The following MAP4 variants were observed in gnomAD, a reference collection of about 807,000 sequenced individuals.
The protein encoded by MAP4 is microtubule associated protein 4.
MAP4 carries 76 observed loss-of-function variants against 170.2 expected under a neutral mutation model. The ratio of observed to expected loss-of-function variants is 0.45; its 90% confidence interval spans 0.37 to 0.54. The LOEUF (loss-of-function observed/expected upper bound fraction) is 0.54, where lower values mean the gene tolerates loss of function less well. Ranked by LOEUF, MAP4 falls within the 20% of genes least tolerant of loss-of-function variation. The pLI, the probability that MAP4 is intolerant of heterozygous loss-of-function variation, is 0.00. For missense variants in MAP4, 2,506 were observed against 2,748.0 expected, an observed-to-expected ratio of 0.91 and a Z score of 1.97; for synonymous variants, 909 against 994.5, an observed-to-expected ratio of 0.91 and a Z score of 1.62.
intron 1 of MAP4, among the ~76,000 whole-genome samples, chr3:48,070,228 C>CTAAG: frequency 6.6e-6 from 1 of 151,526 alleles, no homozygotes; most frequent in East Asian, 1.9e-4. Flanking sequence ...TCCTCAGGTG[C>CTAAG]TACTTAACCA....
rs756229459 is a variant in MAP4 at position 47,876,132 on chromosome 3, C to CTTTTTTTT, written c.5542-233_5542-232insAAAAAAAA. 2.8e-5 allele frequency among the ~76,000 whole-genome samples: 4 copies of CTTTTTTTT among 140,568 alleles called. 1 individual carries two copies. Among genetic ancestry groups the CTTTTTTTT allele is most frequent in the Non-Finnish European group, 4.6e-5 (3 of 64,576 alleles). The allele number at this position is 140,568 out of a possible 152,430, so 92.2% of individuals were successfully genotyped here. On this transcript the variant is annotated intron_variant, in intron 11 of 20. Transcript: ENST00000683076. ...TGGGGAATAGTTTCTTTTTCTTTTT[C>CTTTTTTTT]TTTCTTTTTTTTTTTTTTTGAGATG... is the stretch of plus-strand genomic sequence containing the variant.
chr3:48,059,359 C>G (rs987512857), intron 1 of MAP4, among the ~76,000 whole-genome samples: 11 of 150,928 alleles, frequency 7.3e-5, no homozygotes, highest in Non-Finnish European at 1.6e-4. Context: ...TACTAAAATA[C>G]AAAAAATTAG....
At chr3:47,892,334 A>G in intron 10 of MAP4, 1 of 1,536,218 alleles carries the variant, frequency 6.5e-7, no homozygotes. Flanking sequence ...GCTGACATTC[A>G]GCCCAATTTC....
At chr3:47,896,016 C>T (rs1232457663) in intron 10 of MAP4, among the ~76,000 whole-genome samples, 1 of 151,738 alleles carries the variant, frequency 6.6e-6, no homozygotes, top group South Asian at 2.1e-4. Flanking sequence ...GGTGGGGGGG[C>T]GGTCAGAACA....
At chr3:48,044,484 G>T (rs1300178163) in intron 1 of MAP4, among the ~76,000 whole-genome samples, 1 of 151,628 alleles carries the variant, frequency 6.6e-6, no homozygotes. Context: ...AAAATTTTGG[G>T]CCAGGCACAG....
At chr3:48,063,976 C>G (rs2100137179) in intron 1 of MAP4, among the ~76,000 whole-genome samples, 1 of 152,140 alleles carries the variant, frequency 6.6e-6, no homozygotes, top group Non-Finnish European at 1.5e-5. Flanking sequence ...GAGATCTGAT[C>G]TAACCAACTC....
At chr3:48,011,480 G>C (rs2100105203) in intron 1 of MAP4, among the ~76,000 whole-genome samples, 1 of 151,794 alleles carries the variant, frequency 6.6e-6, no homozygotes, top group East Asian at 1.9e-4. Context: ...TTGAACCCAG[G>C]AGGTGGAGGC....
intron 3 of MAP4, among the ~76,000 whole-genome samples, chr3:47,956,482 G>GTAC (rs2100067909): frequency 1.3e-5 from 2 of 152,208 alleles, no homozygotes; most frequent in Admixed American, 1.3e-4. Context: ...ACGTTGAGGG[G>GTAC]TACATTTGGT....
At chr3:48,011,939 G>C (rs1481837969) in intron 1 of MAP4, among the ~76,000 whole-genome samples, 1 of 152,188 alleles carries the variant, frequency 6.6e-6, no homozygotes, top group Non-Finnish European at 1.5e-5. Flanking sequence ...TGTCTAGGCA[G>C]ACAGGGGCGG....
intron 2 of MAP4, among the ~76,000 whole-genome samples, chr3:47,996,539 C>T (rs1206693182): frequency 6.6e-6 from 1 of 152,064 alleles, no homozygotes; most frequent in Non-Finnish European, 1.5e-5. Context: ...GGGCCTCAGT[C>T]CCCACTCTAA....
chr3:48,082,943 C>T (rs544046677), intron 1 of MAP4, among the ~76,000 whole-genome samples: 7 of 151,976 alleles, frequency 4.6e-5, no homozygotes, highest in Non-Finnish European at 1.0e-4. Context: ...TGAGAAAGCA[C>T]CAGAAAACCC....
chr3:47,941,029 C>T (rs561727428), intron 3 of MAP4, among the ~76,000 whole-genome samples: 1 of 151,990 alleles, frequency 6.6e-6, no homozygotes, highest in Admixed American at 6.6e-5. Flanking sequence ...AGGCAGCCAC[C>T]ACCACACTTG....
intron 5 of MAP4, among the ~76,000 whole-genome samples, chr3:47,919,165 T>A (rs1335349142): frequency 6.6e-6 from 1 of 152,084 alleles, no homozygotes; most frequent in African/African-American, 2.4e-5. Flanking sequence ...TCTCCTGACC[T>A]CTTGATCCAA....
intron 2 of MAP4, among the ~76,000 whole-genome samples, chr3:47,978,405 C>G (rs1306708029): frequency 6.6e-6 from 1 of 152,118 alleles, no homozygotes. Flanking sequence ...GCAACCTCCG[C>G]CTTCTGGGTT....
chr3:47,869,133 G>A (rs773276412), intron 16 of MAP4, 81 bp downstream of exon 16: 18 of 1,062,626 alleles, frequency 1.7e-5, no homozygotes, highest in Non-Finnish European at 2.5e-5. Flanking sequence ...GGGAAAAAGT[G>A]CAAGAGAGGG....
At chr3:48,038,605 C>T (rs1356836094) in intron 1 of MAP4, among the ~76,000 whole-genome samples, 4 of 151,934 alleles carry the variant, frequency 2.6e-5, no homozygotes, top group Admixed American at 2.6e-4. Context: ...GGACTACAGG[C>T]GCCTGCCACC....
intron 3 of MAP4, among the ~76,000 whole-genome samples, chr3:47,943,022 G>T (rs897290743): frequency 6.6e-6 from 1 of 152,082 alleles, no homozygotes; most frequent in Admixed American, 6.6e-5. Context: ...GCTGAGGTGG[G>T]AGGATTGCTT....
At chr3:47,903,888 G>A (rs2100031486) in intron 9 of MAP4, among the ~76,000 whole-genome samples, 1 of 152,170 alleles carries the variant, frequency 6.6e-6, no homozygotes, top group Admixed American at 6.5e-5. Context: ...ACAATAAAAT[G>A]CTAGACAGAG....
chr3:48,086,108 ATGTGTATGTATATATGTATGTG>A (rs1403090360), intron 1 of MAP4, among the ~76,000 whole-genome samples: 1 of 151,820 alleles, frequency 6.6e-6, no homozygotes, highest in Non-Finnish European at 1.5e-5. Context: ...ATATATGTAT[ATGTGTATGTATATATGTATGTG>A]TGTGCACGTA....
Sources: gnomAD v4.1 joint callset for allele counts (sites outside exome capture counted in the v4.1 genomes callset) on GRCh38, gnomAD v4.1.1 for gene constraint, MANE v1.5 for transcripts, NCBI Gene and HGNC (gene_info 2026-07-23, HGNC 2026-07-21) for gene names.